PIGB: variants seen among roughly 807,000 people sequenced by gnomAD.
PIGB encodes the protein phosphatidylinositol glycan anchor biosynthesis class B.
Under a neutral mutation model 68.4 loss-of-function variants are expected in PIGB, and 58 were observed. The ratio of observed to expected loss-of-function variants is 0.85; its 90% CI spans 0.69 to 1.06. The LOEUF (loss-of-function observed/expected upper bound fraction) is 1.06. PIGB is among the 50% of genes least tolerant of loss of function. PIGB has a pLI of 0.00. For synonymous variants in PIGB, 219 were observed against 220.5 expected, an observed-to-expected ratio of 0.99 and a Z score of 0.06; for missense variants, 634 against 655.8, an observed-to-expected ratio of 0.97 and a Z score of 0.36.
intron 9 of PIGB, among the ~76,000 whole-genome samples, chr15:55,345,894 T>C (rs1368641423): frequency 6.6e-6 from 1 of 152,250 alleles, no homozygotes; most frequent in Non-Finnish European, 1.5e-5. Flanking sequence ...TTGTTGTTCT[T>C]ATCTAAACAC....
chr15:55,331,484 C>T (rs575461454), intron 5 of PIGB, among the ~76,000 whole-genome samples: 23 of 152,150 alleles, frequency 1.5e-4, no homozygotes, highest in African/African-American at 4.6e-4. Context: ...GAGGCCGAGA[C>T]GGGTGGATCA....
At chr15:55,351,266 C>T (rs2055916094) in intron 10 of PIGB, among the ~76,000 whole-genome samples, 2 of 151,690 alleles carry the variant, frequency 1.3e-5, no homozygotes, top group Admixed American at 1.3e-4. Context: ...TGCCACCATG[C>T]CCGGCTAATT....
Position 55,319,340 on chromosome 15 carries a change from C to G in PIGB, c.90C>G (p.Gly30=). 3 of 1,578,308 alleles carry G rather than the reference C, an allele frequency of 1.9e-6. No homozygotes were observed. Among genetic ancestry groups the G allele is most frequent in the Non-Finnish European group, 2.6e-6 (3 of 1,161,576 alleles). ...ATGGTCTCCAGAACCGCTCCCACGG[C>G]AAGATAAAGCTGCGAAAGAGAAAGT... is the stretch of plus-strand genomic sequence containing the variant. ...TLHGLQNRSH[G]KIKLRKRKST... is the part of the protein sequence containing the mutation. Residue 30 remains glycine (G), a synonymous_variant, in exon 1 of 12, where the codon GGC becomes GGG. Coordinates refer to ENST00000164305, the MANE Select transcript of PIGB (RefSeq NM_004855.5).
At position 55,329,843 on chromosome 15, in the gene PIGB, G is replaced by A. The variant is rs778844570; in HGVS notation, c.642G>A (p.Lys214=). Residue 214 remains lysine (K), a synonymous_variant, in exon 5 of 12, where the codon AAG becomes AAA. Transcript: ENST00000164305. ...TCTACTATCCTTTGGAAGGTTCAAA[G>A]TCTATGAACAGGTAAGAAAAATTAT... The part of the protein sequence containing the change: ...ALFYYPLEGS[K]SMNSVKYSSL... The A allele has an allele frequency of 1.9e-6, 3 of 1,573,862 alleles. No homozygotes were observed. The highest frequency in any genetic ancestry group is 1.7e-6 in the Non-Finnish European group (2 of 1,155,126).
At chr15:55,320,625 A>T (rs1056137828) in intron 2 of PIGB, among the ~76,000 whole-genome samples, 1 of 152,226 alleles carries the variant, frequency 6.6e-6, no homozygotes, top group Non-Finnish European at 1.5e-5. Flanking sequence ...TAAAGTTTAT[A>T]CAAATTAGGT....
Position 55,320,429 on chromosome 15 carries a change from T to C in PIGB, c.299+19T>C. 1 of 1,610,408 alleles carries C rather than the reference T, an allele frequency of 6.2e-7. No homozygotes were observed. ...TTTTCAAATATCCTTTGTGGTTTCT[T>C]TTCCAGACTATGAGTGTGTATTCAT... On this transcript the variant is annotated intron_variant, in intron 2 of 11. Transcript: ENST00000164305.
intron 3 of PIGB, among the ~76,000 whole-genome samples, chr15:55,321,646 C>CTTTTTTTTTTT (rs966940527): frequency 1.5e-5 from 1 of 68,348 alleles, no homozygotes; most frequent in Non-Finnish European, 2.6e-5. Context: ...ATACTTCTTT[C>CTTTTTTTTTTT]TTTTTTTTTT....
At chr15:55,352,679 C>T (rs1014371101) in intron 10 of PIGB, among the ~76,000 whole-genome samples, 10 of 152,130 alleles carry the variant, frequency 6.6e-5, no homozygotes, top group African/African-American at 2.4e-4. Flanking sequence ...GTCCTAGCTA[C>T]TCGGGAGGCG....
At chr15:55,349,569 C>A (rs1219591149) in intron 9 of PIGB, 3 of 152,170 alleles carry the variant, frequency 2.0e-5, no homozygotes, top group African/African-American at 7.2e-5. Flanking sequence ...TTTTTCACCA[C>A]ACCACTTTTC....
At chr15:55,331,190 C>T (rs570409808) in intron 5 of PIGB, among the ~76,000 whole-genome samples, 2 of 152,112 alleles carry the variant, frequency 1.3e-5, no homozygotes, top group East Asian at 1.9e-4. Flanking sequence ...TTGAGAGAAT[C>T]GAATTAGGTC....
intron 9 of PIGB, among the ~76,000 whole-genome samples, chr15:55,342,010 A>G (rs1277479367): frequency 3.3e-5 from 5 of 152,228 alleles, no homozygotes; most frequent in African/African-American, 1.2e-4. Context: ...TAAAGATCCT[A>G]GCCCAGTGCA....
At chr15:55,321,458 G>GGGGGAGGAGCCAAGATGGCCGAATAGGAA in intron 3 of PIGB, 68 bp downstream of exon 3, 4 of 1,349,824 alleles carry the variant, frequency 3.0e-6, no homozygotes, top group Non-Finnish European at 4.1e-6. Flanking sequence ...GGCTACTGTT[G>GGGGGAGGAGCCAAGATGGCCGAATAGGAA]CTGAAGTCCA....
intron 3 of PIGB, among the ~76,000 whole-genome samples, chr15:55,323,361 A>T (rs554490138): frequency 1.4e-4 from 22 of 152,134 alleles, no homozygotes; most frequent in Non-Finnish European, 2.5e-4. Context: ...GGTGGCTCAC[A>T]GTTGTAATCT....
chr15:55,328,710 A>G (rs1324726293), intron 4 of PIGB, among the ~76,000 whole-genome samples: 1 of 152,126 alleles, frequency 6.6e-6, no homozygotes, highest in Non-Finnish European at 1.5e-5. Context: ...GCTCACCCCT[A>G]TAATCCCAGC....
intron 9 of PIGB, among the ~76,000 whole-genome samples, chr15:55,344,793 A>G (rs1190225242): frequency 6.6e-6 from 1 of 151,200 alleles, no homozygotes; most frequent in Non-Finnish European, 1.5e-5. Flanking sequence ...AGCACCCACT[A>G]CTGATTCTGA....
intron 10 of PIGB, among the ~76,000 whole-genome samples, chr15:55,354,293 AG>A (rs1394284875): frequency 6.6e-5 from 10 of 151,628 alleles, no homozygotes; most frequent in South Asian, 2.1e-4. Flanking sequence ...GGGTGACGAG[AG>A]CGAAACTCTT....
intron 3 of PIGB, among the ~76,000 whole-genome samples, chr15:55,324,616 T>A (rs757933334): frequency 2.0e-5 from 3 of 152,184 alleles, no homozygotes; most frequent in Non-Finnish European, 4.4e-5. Context: ...ATCTCCAAAC[T>A]GACACAATAA....
Position 55,324,427 on chromosome 15 carries a change from C to T in PIGB, c.417+3037C>T, listed in dbSNP as rs144509324. ...GAGAAACTGCTAATGACTGGGAGTT[C>T]AGAACTCCGCTTATTGTTATGCGAA... On this transcript the variant is annotated intron_variant, in intron 3 of 11. Transcript: ENST00000164305. Among the ~76,000 whole-genome samples, 70 of 152,272 alleles carry T rather than the reference C, an allele frequency of 4.6e-4. 1 individual carries two copies. In the East Asian group the frequency reaches 0.012, roughly 25 times the overall value.
chr15:55,343,706 C>A (rs145393858), intron 9 of PIGB: 1 of 152,170 alleles, frequency 6.6e-6, no homozygotes, highest in Admixed American at 6.5e-5. Context: ...GTAAGAATCA[C>A]CCCTTCTTCC....
Sources: allele counts gnomAD v4.1 joint callset (sites outside exome capture counted in the v4.1 genomes callset), GRCh38; gene constraint gnomAD v4.1.1; transcripts MANE v1.5; gene names NCBI Gene and HGNC (gene_info 2026-07-23, HGNC 2026-07-21).